SLC67A2: variants seen among roughly 807,000 people sequenced by gnomAD.
The protein encoded by SLC67A2 is solute carrier family 67 member 2, also known as solute carrier family 67 member A2.
the SLC67A2 span, chr2:102,724,004 C>G: frequency 9.5e-7 from 1 of 1,048,498 alleles, no homozygotes. Context: ...TGATGGAGTT[C>G]TGATCTCTGG....
chr2:102,725,679 T>C, the SLC67A2 span, among the ~76,000 whole-genome samples: 1 of 143,108 alleles, frequency 7.0e-6, no homozygotes, highest in Non-Finnish European at 1.5e-5. Flanking sequence ...AGCATTTATC[T>C]AGTCAACAAA....
the SLC67A2 span, chr2:102,730,941 T>C: frequency 1.7e-6 from 2 of 1,165,590 alleles, no homozygotes. Flanking sequence ...GGTGTTCTCA[T>C]CCCAAATCTA....
the SLC67A2 span, among the ~76,000 whole-genome samples, chr2:102,721,500 A>G: frequency 6.6e-6 from 1 of 152,242 alleles, no homozygotes; most frequent in Non-Finnish European, 1.5e-5. Context: ...AAAAAGCTGC[A>G]GTAAAGTACA....
At chr2:102,721,190 C>G in the SLC67A2 span, among the ~76,000 whole-genome samples, 1 of 152,238 alleles carries the variant, frequency 6.6e-6, no homozygotes, top group Non-Finnish European at 1.5e-5. Flanking sequence ...AAATAGAATT[C>G]CATAACCAAT....
At chr2:102,724,987 A>G in the SLC67A2 span, among the ~76,000 whole-genome samples, 1 of 152,178 alleles carries the variant, frequency 6.6e-6, no homozygotes, top group Non-Finnish European at 1.5e-5. Flanking sequence ...GAATTCTATG[A>G]TTCTTTTTGA....
chr2:102,715,029 A>AT, the SLC67A2 span, among the ~76,000 whole-genome samples: 1 of 152,104 alleles, frequency 6.6e-6, no homozygotes, highest in East Asian at 1.9e-4. Context: ...TCACCTGGGA[A>AT]TTATTCACAA....
the SLC67A2 span, chr2:102,736,842 C>G: frequency 6.4e-7 from 1 of 1,572,684 alleles, no homozygotes; most frequent in Non-Finnish European, 8.6e-7. Context: ...GACGCAGCAG[C>G]AGCCGCGGAC....
chr2:102,717,452 T>C, the SLC67A2 span: 1 of 152,352 alleles, frequency 6.6e-6, no homozygotes, highest in Non-Finnish European at 1.5e-5. Flanking sequence ...GCTTCACCAC[T>C]GGGTTCTGTC....
At chr2:102,723,750 C>G in the SLC67A2 span, 33 of 1,614,086 alleles carry the variant, frequency 2.0e-5, no homozygotes, top group South Asian at 3.3e-4. Context: ...GAGATAAAAC[C>G]CATCCTCTAA....
chr2:102,726,287 G>C, the SLC67A2 span, among the ~76,000 whole-genome samples: 2 of 152,202 alleles, frequency 1.3e-5, no homozygotes, highest in Admixed American at 1.3e-4. Flanking sequence ...GGACAGAACA[G>C]GAACCTCAGT....
At chr2:102,719,398 A>G in the SLC67A2 span, among the ~76,000 whole-genome samples, 1 of 152,206 alleles carries the variant, frequency 6.6e-6, no homozygotes, top group African/African-American at 2.4e-5. Flanking sequence ...GATTCTGGCA[A>G]AAGACTCTTT....
the SLC67A2 span, chr2:102,727,085 A>T: frequency 8.4e-7 from 1 of 1,187,860 alleles, no homozygotes; most frequent in Non-Finnish European, 1.2e-6. Context: ...TCAGTGTCAG[A>T]TCCTCAGATG....
the SLC67A2 span, among the ~76,000 whole-genome samples, chr2:102,723,299 G>A: frequency 2.6e-5 from 4 of 152,070 alleles, no homozygotes; most frequent in African/African-American, 9.7e-5. Context: ...AAGAAACCCC[G>A]TCTCTACTAA....
the SLC67A2 span, chr2:102,732,137 G>A: frequency 4.4e-5 from 31 of 703,150 alleles, no homozygotes; most frequent in East Asian, 3.4e-4. Context: ...AACATACGTC[G>A]TCTAGAAAAA....
the SLC67A2 span, chr2:102,726,906 G>T: frequency 6.2e-7 from 1 of 1,613,060 alleles, no homozygotes; most frequent in East Asian, 2.2e-5. Context: ...GAAGGAGATA[G>T]CCCAGAGCAC....
the SLC67A2 span, chr2:102,736,516 A>G: frequency 6.3e-7 from 1 of 1,587,902 alleles, no homozygotes; most frequent in Non-Finnish European, 8.5e-7. Context: ...CTTGATAGGT[A>G]GTGAGGCACT....
the SLC67A2 span, among the ~76,000 whole-genome samples, chr2:102,726,118 C>T: frequency 9.8e-5 from 15 of 152,312 alleles, no homozygotes; most frequent in Non-Finnish European, 1.6e-4. Context: ...ACAGTCCAGA[C>T]GAGCCTGGAA....
the SLC67A2 span, chr2:102,723,628 G>T: frequency 6.9e-7 from 1 of 1,449,354 alleles, no homozygotes. Flanking sequence ...GAATTGCAAA[G>T]AAATAAGAGA....
chr2:102,732,496 C>A, the SLC67A2 span: 6 of 1,105,714 alleles, frequency 5.4e-6, no homozygotes, highest in South Asian at 9.7e-5. Context: ...AAAAATAAAA[C>A]CAATATCTAA....
Sources: allele counts gnomAD v4.1 joint callset (sites outside exome capture counted in the v4.1 genomes callset), GRCh38; gene constraint gnomAD v4.1.1; transcripts MANE v1.5; gene names NCBI Gene and HGNC (gene_info 2026-07-23, HGNC 2026-07-21).